The following CCDC171 variants were observed in gnomAD, a reference collection of about 807,000 sequenced individuals.
CCDC171 encodes coiled-coil domain-containing protein 171.
Under a neutral mutation model 168.2 loss-of-function variants are expected in CCDC171, and 177 were observed. That is an observed-to-expected ratio of 1.05 (90% confidence interval 0.93 to 1.19). The LOEUF (loss-of-function observed/expected upper bound fraction) is 1.19. Ranked by LOEUF, CCDC171 falls within the 50% of genes most tolerant of loss-of-function variation. The pLI is 0.00. For synonymous variants in CCDC171, 687 were observed against 540.8 expected (o/e 1.27, Z -3.75); for missense variants, 1,991 against 1,539.0 (o/e 1.29, Z -4.91).
At chr9:15,719,376 C>T (rs1391295299) in intron 11 of CCDC171, among the ~76,000 whole-genome samples, 2 of 112,410 alleles carry the variant, frequency 1.8e-5, no homozygotes, top group Non-Finnish European at 3.3e-5. Context: ...GAGTTATTGG[C>T]CTTCAAGGCT....
rs149599323 is a variant in CCDC171, at chr9:15,561,170, T to A, written c.-111-2808T>A. On this transcript the variant is annotated intron_variant, in intron 1 of 25. Coordinates refer to ENST00000380701, the MANE Select transcript of CCDC171 (RefSeq NM_173550.4). ...CCCTGGTTTCCTCATGTATAAAGTA[T>A]GGATATTAGTATTATCTTCCCCTTG... 4.4e-3 allele frequency among the ~76,000 whole-genome samples: 674 copies of A among 152,324 alleles called. 11 individuals carry two copies. Among genetic ancestry groups the A allele is most frequent in the Non-Finnish European group, 7.3e-3 (495 of 68,014 alleles).
intron 24 of CCDC171, among the ~76,000 whole-genome samples, chr9:15,876,431 A>G (rs1001111546): frequency 6.6e-6 from 1 of 152,076 alleles, no homozygotes; most frequent in African/African-American, 2.4e-5. Flanking sequence ...AATAAATGGC[A>G]CTATCTCCAT....
chr9:15,843,247 C>A (rs1393640844), intron 21 of CCDC171, among the ~76,000 whole-genome samples: 1 of 151,898 alleles, frequency 6.6e-6, no homozygotes, highest in Admixed American at 6.6e-5. Context: ...TTTGGGATAC[C>A]ATTGTAAAAA....
At chr9:16,093,329 C>A in the CCDC171 span, among the ~76,000 whole-genome samples, 1 of 152,182 alleles carries the variant, frequency 6.6e-6, no homozygotes, top group African/African-American at 2.4e-5. Context: ...TGATACTGAC[C>A]TTCAGGGGCT....
intron 20 of CCDC171, among the ~76,000 whole-genome samples, chr9:15,783,140 G>T (rs868016296): frequency 7.6e-4 from 116 of 152,242 alleles, no homozygotes; most frequent in African/African-American, 2.6e-3. Flanking sequence ...GGTACCTGGT[G>T]CCAAAATAAA....
At chr9:15,676,120 A>G (rs2049536883) in intron 9 of CCDC171, among the ~76,000 whole-genome samples, 1 of 151,814 alleles carries the variant, frequency 6.6e-6, no homozygotes, top group African/African-American at 2.4e-5. Flanking sequence ...CATTTCATTC[A>G]TTTGATCTTC....
At chr9:15,716,828 A>G (rs577465020) in intron 11 of CCDC171, among the ~76,000 whole-genome samples, 1 of 152,240 alleles carries the variant, frequency 6.6e-6, no homozygotes, top group African/African-American at 2.4e-5. Flanking sequence ...TAACCCAGTA[A>G]CCTCTCAAAG....
At chr9:16,055,293 G>A (rs1160079922) in intron 1 of CCDC171, among the ~76,000 whole-genome samples, 1 of 152,140 alleles carries the variant, frequency 6.6e-6, no homozygotes, top group Non-Finnish European at 1.5e-5. Context: ...AGATGTCTGA[G>A]TATGGAGTTC....
chr9:15,994,886 T>C (rs1258351970), intron 3 of CCDC171, among the ~76,000 whole-genome samples: 1 of 152,222 alleles, frequency 6.6e-6, no homozygotes, highest in Non-Finnish European at 1.5e-5. Flanking sequence ...TGATGGAATA[T>C]TTTTTGCATA....
chr9:15,896,670 A>T (rs2131577634), intron 24 of CCDC171, among the ~76,000 whole-genome samples: 1 of 152,196 alleles, frequency 6.6e-6, no homozygotes, highest in African/African-American at 2.4e-5. Flanking sequence ...TGCTATCCTT[A>T]TCAATGTCAC....
At chr9:15,863,496 A>G (rs566528442) in intron 23 of CCDC171, among the ~76,000 whole-genome samples, 1 of 151,832 alleles carries the variant, frequency 6.6e-6, no homozygotes, top group South Asian at 2.1e-4. Context: ...TTCTTGGTTG[A>G]CACATTTTTT....
intron 18 of CCDC171, among the ~76,000 whole-genome samples, chr9:15,774,718 A>G (rs117185261): frequency 0.013 from 1,989 of 152,366 alleles, 22 homozygotes; most frequent in Middle Eastern, 0.041. Context: ...ATGCCCATCA[A>G]TCAACAAGTG....
chr9:15,890,491 T>C (rs1390792487), intron 24 of CCDC171, among the ~76,000 whole-genome samples: 1 of 151,998 alleles, frequency 6.6e-6, no homozygotes, highest in African/African-American at 2.4e-5. Context: ...AGGATGACTT[T>C]TAATCTGCAA....
chr9:16,082,947 A>G, the CCDC171 span, among the ~76,000 whole-genome samples: 2 of 152,234 alleles, frequency 1.3e-5, no homozygotes, highest in East Asian at 1.9e-4. Context: ...AGCTGCTGCC[A>G]TACAAATTTT....
Position 15,819,804 on chromosome 9 carries a change from A to G in CCDC171, c.3268-26898A>G, listed in dbSNP as rs1279288193. Among the ~76,000 whole-genome samples the G allele has an allele frequency of 3.4e-5, 4 of 117,096 alleles. 2 individuals are homozygous for G. Among genetic ancestry groups the G allele is most frequent in the Non-Finnish European group, 7.6e-5 (4 of 52,292 alleles). The allele number at this position is 117,096 out of a possible 152,430, so 76.8% of individuals were successfully genotyped here. A position where few individuals can be genotyped will look rare whatever the true frequency, so the allele number is the denominator to read the frequency against. On this transcript the variant is annotated intron_variant, in intron 21 of 25. Transcript: ENST00000380701. ...AACGAGACAGAAAGTTAACAAGGAT[A>G]TCCAGGAATTGAACTCAGCTCTGCA...
the CCDC171 span, among the ~76,000 whole-genome samples, chr9:16,097,200 T>C: frequency 1.3e-5 from 2 of 152,052 alleles, no homozygotes; most frequent in South Asian, 4.1e-4. Context: ...GGTAAAACCA[T>C]ACAAGCCAGT....
chr9:15,973,321 G>A lies in CCDC171; in HGVS notation c.*1485G>A, dbSNP rs1309305624. On this transcript the variant is annotated 3_prime_UTR_variant, in exon 26 of 26. Coordinates refer to ENST00000380701, the MANE Select transcript of CCDC171 (RefSeq NM_173550.4). ...CAGTATGTATTACAGAAGTTTTTTTGTCTTATCTTTACAGTGACATTTGAT... is the reference window on the plus strand; with the variant it reads ...CAGTATGTATTACAGAAGTTTTTTTATCTTATCTTTACAGTGACATTTGAT... The A allele has an allele frequency of 6.7e-6, 1 of 149,894 alleles. No individual in the cohort carries two copies. Among genetic ancestry groups the A allele is most frequent in the Non-Finnish European group, 1.5e-5 (1 of 67,684 alleles). The allele number at this position is 149,894 out of a possible 1,614,324, so 9.3% of individuals were successfully genotyped here. A position where few individuals can be genotyped will look rare whatever the true frequency, so the allele number is the denominator to read the frequency against.
intron 24 of CCDC171, among the ~76,000 whole-genome samples, chr9:15,911,907 A>G (rs1054331629): frequency 1.3e-5 from 2 of 152,166 alleles, no homozygotes; most frequent in Non-Finnish European, 2.9e-5. Context: ...ATTGGTCTAC[A>G]TACCTGTTTT....
chr9:15,761,901 A>G (rs1319831627), intron 18 of CCDC171, among the ~76,000 whole-genome samples: 1 of 152,186 alleles, frequency 6.6e-6, no homozygotes, highest in African/African-American at 2.4e-5. Flanking sequence ...TTTACAGTGA[A>G]CAGATATTTT....
Sources: allele counts gnomAD v4.1 joint callset (sites outside exome capture counted in the v4.1 genomes callset), GRCh38; gene constraint gnomAD v4.1.1; transcripts MANE v1.5; gene names NCBI Gene and HGNC (gene_info 2026-07-23, HGNC 2026-07-21).